The following XRRA1 variants were observed in gnomAD, a reference collection of about 807,000 sequenced individuals.
XRRA1 encodes X-ray radiation resistance associated 1, also known as X-ray radiation resistance-associated protein 1.
In XRRA1, 69 loss-of-function variants were observed where a neutral mutation model predicts 80.2. The ratio of observed to expected loss-of-function variants is 0.86; its 90% confidence interval spans 0.71 to 1.05. The LOEUF (loss-of-function observed/expected upper bound fraction) is 1.05. Among genes scored for constraint, XRRA1 ranks in the 50% least tolerant of loss-of-function variants. The pLI is 0.00. For synonymous variants in XRRA1, 348 were observed against 389.9 expected, an observed-to-expected ratio of 0.89 and a Z score of 1.27; for missense variants, 967 against 976.4, an observed-to-expected ratio of 0.99 and a Z score of 0.13.
chr11:74,930,391 GAAA>G lies in XRRA1; in HGVS notation c.352-22_352-20del. ...CCTTGGCCTGTAGGAAAGCATTTCA[GAAA>G]AAAAAAAAAATCCACAAGATTAGTT... On this transcript the variant is annotated intron_variant, in intron 5 of 18. Coordinates refer to ENST00000684022, the MANE Select transcript of XRRA1 (RefSeq NM_001378157.1). The G allele has an allele frequency of 5.5e-6, 7 of 1,271,992 alleles. No homozygotes were observed. Among genetic ancestry groups the G allele is most frequent in the Non-Finnish European group, 4.2e-6 (4 of 941,902 alleles). The allele number at this position is 1,271,992 out of a possible 1,614,324, so 78.8% of individuals were successfully genotyped here. A position where few individuals can be genotyped will look rare whatever the true frequency, so the allele number is the denominator to read the frequency against.
chr11:74,852,572 C>T (rs1183551023), intron 12 of XRRA1, among the ~76,000 whole-genome samples: 1 of 152,094 alleles, frequency 6.6e-6, no homozygotes, highest in Admixed American at 6.5e-5. Context: ...GTCCTGGGCA[C>T]TTATTTGGGG....
intron 10 of XRRA1, among the ~76,000 whole-genome samples, chr11:74,902,496 C>G (rs2053748806): frequency 6.6e-6 from 1 of 152,022 alleles, no homozygotes; most frequent in African/African-American, 2.4e-5. Flanking sequence ...TTCACAATAG[C>G]CAAGATTTGG....
intron 14 of XRRA1, among the ~76,000 whole-genome samples, chr11:74,849,214 G>A (rs2039143663): frequency 6.6e-6 from 1 of 152,090 alleles, no homozygotes; most frequent in Admixed American, 6.5e-5. Flanking sequence ...CTTTTACTGA[G>A]AGATGTAAGT....
At chr11:74,877,249 G>C (rs2046244568) in intron 10 of XRRA1, among the ~76,000 whole-genome samples, 1 of 152,068 alleles carries the variant, frequency 6.6e-6, no homozygotes, top group South Asian at 2.1e-4. Context: ...AGATAGCCCA[G>C]GCCTACAATT....
rs374813359 is a variant in XRRA1 at position 74,906,438 on chromosome 11, C to T, written c.804G>A (p.Leu268=). The part of the protein sequence containing the change: ...AGLRRLKKLS[L]DENRIIRIPY... The stretch of plus-strand genomic sequence containing the variant: ...GGATCCTGATAATCCTGTTTTCATC[C>T]AAGCTTAACTTCTTCAGTCTTCAAT... The change falls in exon 10 of 19, where the codon TTG becomes TTA. Residue 268 remains leucine (L), a synonymous_variant. Coordinates refer to ENST00000684022, the MANE Select transcript of XRRA1 (RefSeq NM_001378157.1). 5 of 1,613,784 alleles carry T rather than the reference C, an allele frequency of 3.1e-6. No individual in the cohort carries two copies. The African/African-American group carries it at 6.7e-5, about 22-fold the overall frequency.
At chr11:74,895,301 G>A (rs1346022083) in intron 10 of XRRA1, among the ~76,000 whole-genome samples, 1 of 152,224 alleles carries the variant, frequency 6.6e-6, no homozygotes, top group Non-Finnish European at 1.5e-5. Context: ...TGAACTCCGT[G>A]CTGCCCTGTC....
At chr11:74,881,648 A>G (rs79191528) in intron 10 of XRRA1, among the ~76,000 whole-genome samples, 39 of 151,882 alleles carry the variant, frequency 2.6e-4, no homozygotes, top group Non-Finnish European at 2.4e-4. Context: ...AGCTCTTGTA[A>G]GGCAGGCCTG....
intron 7 of XRRA1, among the ~76,000 whole-genome samples, chr11:74,924,915 G>A (rs1180975016): frequency 6.6e-6 from 1 of 152,110 alleles, no homozygotes; most frequent in African/African-American, 2.4e-5. Flanking sequence ...TATTGTCTAT[G>A]GCTGTTTTCC....
Position 74,883,244 on chromosome 11 carries a change from G to A in XRRA1, c.1004-20223C>T, listed in dbSNP as rs565076902. On this transcript the variant is annotated intron_variant, in intron 10 of 18. Coordinates refer to ENST00000684022, the MANE Select transcript of XRRA1 (RefSeq NM_001378157.1). ...CGTTTTTTAAGCCCGTTGGAAAAGC[G>A]CAGTATTTGGGTGGGAGTGACCTGA... Among the ~76,000 whole-genome samples the A allele has an allele frequency of 5.3e-5, 8 of 152,372 alleles. No individual in the cohort carries two copies. The South Asian group carries it at 6.2e-4, about 12-fold the overall frequency.
chr11:74,848,213 C>G lies in XRRA1; in HGVS notation c.1630G>C (p.Glu544Gln). The change falls in exon 15 of 19, where the codon GAG (glutamate) becomes CAG (glutamine). Residue 544 changes from glutamate to glutamine, a missense_variant. Transcript: ENST00000684022. ...ICSNSTVHSE[E>Q]TLSHLSDTTV... ...GTGTCACTCAGGTGGGACAGGGTCT[C>G]TTCACTATGCACAGTGGAGTTGGAG... The G allele has an allele frequency of 1.2e-6, 2 of 1,613,894 alleles. No individual in the cohort carries two copies. The highest frequency in any genetic ancestry group is 1.7e-6 in the Non-Finnish European group (2 of 1,179,872).
chr11:74,849,683 G>C (rs1337282031), intron 14 of XRRA1, among the ~76,000 whole-genome samples: 3 of 152,216 alleles, frequency 2.0e-5, no homozygotes, highest in African/African-American at 7.2e-5. Flanking sequence ...AGGGAGGAAT[G>C]GGTAACCTAA....
At chr11:74,844,129 T>C (rs2037313732) in intron 17 of XRRA1, 39 bp downstream of exon 17, 2 of 1,584,228 alleles carry the variant, frequency 1.3e-6, no homozygotes, top group East Asian at 4.5e-5. Context: ...TGGGCGGTAC[T>C]CAGGGGCCAT....
At chr11:74,851,044 C>A in intron 14 of XRRA1, 44 bp downstream of exon 14, 1 of 1,514,664 alleles carries the variant, frequency 6.6e-7, no homozygotes, top group Non-Finnish European at 9.0e-7. Flanking sequence ...TTATAATAGG[C>A]TGCACTCTTC....
chr11:74,881,787 G>A (rs999217870), intron 10 of XRRA1, among the ~76,000 whole-genome samples: 1 of 149,744 alleles, frequency 6.7e-6, no homozygotes, highest in African/African-American at 2.4e-5. Flanking sequence ...GGCTGGATAT[G>A]AAATTCTGGG....
intron 10 of XRRA1, among the ~76,000 whole-genome samples, chr11:74,873,762 G>GAAGT (rs1426504355): frequency 6.6e-6 from 1 of 152,140 alleles, no homozygotes; most frequent in African/African-American, 2.4e-5. Flanking sequence ...AAACCTCAGT[G>GAAGT]AAGTACCTGG....
intron 10 of XRRA1, among the ~76,000 whole-genome samples, chr11:74,874,233 C>CAAAAAAAAAAAAAAAAAAA (rs367875228): frequency 2.1e-5 from 1 of 48,290 alleles, no homozygotes; most frequent in African/African-American, 7.6e-5. Context: ...GACTCCGTCT[C>CAAAAAAAAAAAAAAAAAAA]AAAAAAAAAA....
chr11:74,922,612 T>C (rs1941178574), intron 7 of XRRA1, among the ~76,000 whole-genome samples: 1 of 152,234 alleles, frequency 6.6e-6, no homozygotes, highest in Non-Finnish European at 1.5e-5. Flanking sequence ...CAGCAACTTA[T>C]TCAATTGGTA....
chr11:74,914,554 A>G (rs958105720), intron 8 of XRRA1, among the ~76,000 whole-genome samples: 7 of 152,212 alleles, frequency 4.6e-5, no homozygotes, highest in African/African-American at 1.7e-4. Flanking sequence ...TTCACCTGTT[A>G]TCGCCAAATA....
At position 74,933,936 on chromosome 11, in the gene XRRA1, C is replaced by T. The variant is rs1944280628; in HGVS notation, c.280-64G>A. ...ACAAAGTTTAATTAATCTATTACCACTCAGCCTTCTCTTGTTGGGCAATCA... is the reference window on the plus strand; with the variant it reads ...ACAAAGTTTAATTAATCTATTACCATTCAGCCTTCTCTTGTTGGGCAATCA... On this transcript the variant is annotated intron_variant, in intron 4 of 18. Coordinates refer to ENST00000684022, the MANE Select transcript of XRRA1 (RefSeq NM_001378157.1). The T allele has an allele frequency of 3.0e-5, 43 of 1,414,164 alleles. No homozygotes were observed. In the South Asian group the frequency reaches 4.5e-4, roughly 15 times the overall value. 87.6% of individuals were successfully genotyped at this position (1,414,164 alleles called of 1,614,324 possible).
Sources: gnomAD v4.1 joint callset for allele counts (sites outside exome capture counted in the v4.1 genomes callset) on GRCh38, gnomAD v4.1.1 for gene constraint, MANE v1.5 for transcripts, NCBI Gene and HGNC (gene_info 2026-07-23, HGNC 2026-07-21) for gene names.